GABRB1: variants seen among roughly 807,000 people sequenced by gnomAD.
GABRB1 encodes the protein gamma-aminobutyric acid receptor subunit beta-1.
A neutral mutation model predicts 51.6 loss-of-function variants in GABRB1; 17 were observed. The ratio of observed to expected loss-of-function variants is 0.33; its 90% confidence interval spans 0.23 to 0.49. GABRB1 has a LOEUF of 0.49. Ranked by LOEUF, GABRB1 falls within the 20% of genes least tolerant of loss-of-function variation. The pLI, the probability that GABRB1 is intolerant of heterozygous loss-of-function variation, is 0.99. For missense variants in GABRB1, 410 were observed against 600.6 expected, an observed-to-expected ratio of 0.68 and a Z score of 3.32; for synonymous variants, 247 against 218.9, an observed-to-expected ratio of 1.13 and a Z score of -1.14.
At chr4:47,009,015 C>T (rs993200687) in intron 1 of GABRB1, among the ~76,000 whole-genome samples, 1 of 148,606 alleles carries the variant, frequency 6.7e-6, no homozygotes, top group Non-Finnish European at 1.5e-5. Context: ...AGGCGCCCAC[C>T]ACCACGCCCG....
chr4:47,072,045 A>G (rs1727358011), intron 3 of GABRB1, among the ~76,000 whole-genome samples: 3 of 43,654 alleles, frequency 6.9e-5, no homozygotes, highest in Admixed American at 3.0e-4. Flanking sequence ...AGTTAAGGGA[A>G]AAAAAAAAAA....
At chr4:47,297,211 A>G (rs1016608314) in intron 4 of GABRB1, among the ~76,000 whole-genome samples, 21 of 150,454 alleles carry the variant, frequency 1.4e-4, no homozygotes, top group African/African-American at 4.4e-4. Context: ...TAGAAAAGCA[A>G]GAGCAAACAC....
chr4:47,310,916 C>T (rs1724643471), intron 4 of GABRB1, among the ~76,000 whole-genome samples: 1 of 151,880 alleles, frequency 6.6e-6, no homozygotes, highest in South Asian at 2.1e-4. Context: ...GTAATCCCAA[C>T]ACTTTGGGAG....
intron 3 of GABRB1, 198 bp downstream of exon 3, chr4:47,032,682 T>G: frequency 1.4e-6 from 1 of 716,338 alleles, no homozygotes; most frequent in Non-Finnish European, 2.6e-6. Flanking sequence ...TACTGCGGTG[T>G]TCCAGGGGAA....
intron 5 of GABRB1, among the ~76,000 whole-genome samples, chr4:47,327,718 T>C (rs1469481747): frequency 6.6e-6 from 1 of 152,238 alleles, no homozygotes; most frequent in East Asian, 1.9e-4. Flanking sequence ...TGTCATTGTC[T>C]TTATATAAAT....
chr4:47,050,496 G>T (rs1726299648), intron 3 of GABRB1, among the ~76,000 whole-genome samples: 1 of 151,842 alleles, frequency 6.6e-6, no homozygotes, highest in Admixed American at 6.6e-5. Flanking sequence ...GAAGCATTTT[G>T]GAAATTTCAG....
chr4:47,094,265 G>A (rs374252087), intron 3 of GABRB1, among the ~76,000 whole-genome samples: 184 of 131,380 alleles, frequency 1.4e-3, no homozygotes, highest in African/African-American at 4.7e-3. Context: ...TTGCTCTGTC[G>A]CCCAGGCTGG....
chr4:47,349,736 C>T (rs917513223), intron 5 of GABRB1, among the ~76,000 whole-genome samples: 4 of 152,318 alleles, frequency 2.6e-5, no homozygotes, highest in African/African-American at 7.2e-5. Context: ...TACACATGTA[C>T]GCCCATGCGG....
At chr4:47,146,305 TC>T (rs1324957050) in intron 3 of GABRB1, among the ~76,000 whole-genome samples, 1 of 152,048 alleles carries the variant, frequency 6.6e-6, no homozygotes, top group Non-Finnish European at 1.5e-5. Flanking sequence ...TTTCTTTTTT[TC>T]CCCCTCTCTC....
chr4:47,107,438 G>C (rs1053320103), intron 3 of GABRB1, among the ~76,000 whole-genome samples: 8 of 151,616 alleles, frequency 5.3e-5, no homozygotes, highest in South Asian at 2.1e-4. Flanking sequence ...TTTCAATATT[G>C]ATTTCACTCA....
intron 4 of GABRB1, among the ~76,000 whole-genome samples, chr4:47,213,236 T>C (rs747251229): frequency 1.2e-4 from 18 of 152,154 alleles, no homozygotes; most frequent in Non-Finnish European, 2.1e-4. Flanking sequence ...TATCTCCTCA[T>C]TGGTTTATTT....
At chr4:47,183,006 G>A (rs1458322995) in intron 4 of GABRB1, among the ~76,000 whole-genome samples, 1 of 151,692 alleles carries the variant, frequency 6.6e-6, no homozygotes, top group African/African-American at 2.4e-5. Flanking sequence ...GATTTCTTGT[G>A]TATTTATTAT....
chr4:47,045,599 A>T (rs1238406447), intron 3 of GABRB1, among the ~76,000 whole-genome samples: 1 of 151,946 alleles, frequency 6.6e-6, no homozygotes, highest in Non-Finnish European at 1.5e-5. Context: ...GCACTGACAG[A>T]TTCTGTGTCT....
intron 5 of GABRB1, among the ~76,000 whole-genome samples, chr4:47,387,702 G>A (rs139264318): frequency 8.5e-5 from 13 of 152,280 alleles, no homozygotes; most frequent in Admixed American, 2.0e-4. Flanking sequence ...CATGACTTGG[G>A]CAGGCATGGG....
intron 4 of GABRB1, among the ~76,000 whole-genome samples, chr4:47,261,747 A>C (rs1347004887): frequency 9.2e-5 from 14 of 152,084 alleles, no homozygotes; most frequent in East Asian, 1.9e-4. Flanking sequence ...CAATCCTAAG[A>C]CAAAAGAACA....
At chr4:47,104,947 C>A (rs539116455) in intron 3 of GABRB1, among the ~76,000 whole-genome samples, 247 of 152,062 alleles carry the variant, frequency 1.6e-3, no homozygotes, top group Non-Finnish European at 2.8e-3. Flanking sequence ...ATTTTTTTGT[C>A]TCTTAACAGC....
At chr4:47,032,829 G>T (rs1400441366) in intron 3 of GABRB1, 3 of 478,270 alleles carry the variant, frequency 6.3e-6, no homozygotes, top group Non-Finnish European at 1.3e-5. Context: ...CAGCCGGGCG[G>T]CCTGCACTAG....
chr4:47,386,689 T>A (rs1026633294), intron 5 of GABRB1, among the ~76,000 whole-genome samples: 1 of 152,194 alleles, frequency 6.6e-6, no homozygotes, highest in Non-Finnish European at 1.5e-5. Context: ...CATGGCTATT[T>A]GTGTTTATAG....
chr4:47,309,857 T>C (rs1010851629), intron 4 of GABRB1, among the ~76,000 whole-genome samples: 2 of 152,220 alleles, frequency 1.3e-5, no homozygotes, highest in Non-Finnish European at 2.9e-5. Flanking sequence ...TCTGATAATG[T>C]ATTTGTAATA....
Sources: allele counts gnomAD v4.1 joint callset (sites outside exome capture counted in the v4.1 genomes callset), GRCh38; gene constraint gnomAD v4.1.1; transcripts MANE v1.5; gene names NCBI Gene and HGNC (gene_info 2026-07-23, HGNC 2026-07-21).